Variants in TYRP1 observed in about 807,000 individuals in gnomAD.
TYRP1 encodes 5,6-dihydroxyindole-2-carboxylic acid oxidase.
TYRP1 carries 49 observed loss-of-function variants against 42.8 expected under a neutral mutation model. The observed-to-expected ratio is 1.14, with a 90% CI of 0.91 to 1.45. The LOEUF is 1.45. Ranked by LOEUF, TYRP1 falls within the 40% of genes most tolerant of loss-of-function variation. TYRP1 has a pLI of 0.00. For synonymous variants in TYRP1, 279 were observed against 235.4 expected, an observed-to-expected ratio of 1.19 and a Z score of -1.69; for missense variants, 848 against 662.0, an observed-to-expected ratio of 1.28 and a Z score of -3.08.
At chr9:12,707,885 G>A (rs1586847444) in intron 6 of TYRP1, 112 bp from the exon 7 acceptor site, 1 of 1,012,670 alleles carries the variant, frequency 9.9e-7, no homozygotes, top group East Asian at 2.6e-5. Context: ...TGTAAAATAA[G>A]AATAAAATTT....
chr9:12,704,854 C>A, intron 6 of TYRP1, 149 bp downstream of exon 6: 3 of 777,130 alleles, frequency 3.9e-6, no homozygotes, highest in Admixed American at 2.1e-5. Context: ...TCCAGACATT[C>A]AATTCTACTT....
intron 7 of TYRP1, 33 bp downstream of exon 7, chr9:12,708,176 A>G: frequency 6.2e-7 from 1 of 1,611,118 alleles, no homozygotes; most frequent in South Asian, 1.1e-5. Flanking sequence ...TACTGTGATA[A>G]TTTCCAAAAG....
At chr9:12,698,719 C>A in intron 4 of TYRP1, 64 bp downstream of exon 4, 1 of 1,439,866 alleles carries the variant, frequency 6.9e-7, no homozygotes, top group Non-Finnish European at 9.7e-7. Context: ...AAATATGTTG[C>A]CTGAAAGGCC....
chr9:12,704,575 C>T lies in TYRP1; in HGVS notation c.1131C>T (p.His377=). ...ATGACCCTGCTGTTCGAAGTCTTCA[C>T]AATTTGGCTCATCTATTCCTGAATG... ...GKYDPAVRSL[H]NLAHLFLNGT... is the part of the protein sequence containing the mutation. Residue 377 remains histidine (H), a synonymous_variant, in exon 6 of 8, where the codon CAC becomes CAT. Transcript: ENST00000388918. The T allele has an allele frequency of 6.2e-7, 1 of 1,613,112 alleles. No individual in the cohort carries two copies.
chr9:12,705,271 C>T (rs1027196663), intron 6 of TYRP1, among the ~76,000 whole-genome samples: 1 of 152,062 alleles, frequency 6.6e-6, no homozygotes, highest in African/African-American at 2.4e-5. Context: ...TCTCTGCCTT[C>T]CTATGCAGCT....
chr9:12,698,337 G>A (rs1389034675), intron 3 of TYRP1, 114 bp from the exon 4 acceptor site: 1 of 1,025,792 alleles, frequency 9.7e-7, no homozygotes, highest in African/African-American at 1.6e-5. Flanking sequence ...ATACTAACCA[G>A]TACCTTATTG....
rs771064000 is a variant in TYRP1, at chr9:12,704,534, G to A, written c.1090G>A (p.Asp364Asn). ...SFRNTVEGYS[D>N]PTGKYDPAVR... ...CCTTACCATGTGTCTAGGTTACAGT[G>A]ACCCCACGGGAAAGTATGACCCTGC... The change falls in exon 6 of 8, where the codon GAC (aspartate) becomes AAC (asparagine). Residue 364 changes from aspartate to asparagine, a missense_variant. Transcript: ENST00000388918. 1 of 1,611,948 alleles carries A rather than the reference G, an allele frequency of 6.2e-7. No homozygotes were observed.
chr9:12,705,396 C>T (rs911542290), intron 6 of TYRP1, among the ~76,000 whole-genome samples: 3 of 151,978 alleles, frequency 2.0e-5, no homozygotes, highest in Non-Finnish European at 4.4e-5. Context: ...TAGCTCATAA[C>T]GCACATAAAC....
At chr9:12,698,345 T>C (rs915077638) in intron 3 of TYRP1, 106 bp from the exon 4 acceptor site, 13 of 1,103,520 alleles carry the variant, frequency 1.2e-5, no homozygotes, top group Non-Finnish European at 1.6e-5. Flanking sequence ...CAGTACCTTA[T>C]TGTCTGAAGA....
intron 4 of TYRP1, among the ~76,000 whole-genome samples, chr9:12,701,424 T>G (rs190016261): frequency 4.6e-4 from 70 of 152,130 alleles, no homozygotes; most frequent in Non-Finnish European, 2.4e-4. Context: ...GTGCCAAGTC[T>G]GTGGGATACA....
chr9:12,700,399 AGT>A (rs1402494023), intron 4 of TYRP1: 1 of 152,108 alleles, frequency 6.6e-6, no homozygotes, highest in Non-Finnish European at 1.5e-5. Context: ...GATTGAAAAT[AGT>A]TAATATTTTA....
At chr9:12,694,403 T>C (rs780521841) in intron 2 of TYRP1, 22 bp downstream of exon 2, 26 of 1,613,026 alleles carry the variant, frequency 1.6e-5, no homozygotes, top group Non-Finnish European at 1.9e-5. Context: ...TATGAATGAG[T>C]TCATAAGTCC....
At position 12,697,149 on chromosome 9, in the gene TYRP1, A is replaced by C. The variant is rs142488454; in HGVS notation, c.709-1302A>C. Among the ~76,000 whole-genome samples, 307 of 152,252 alleles carry C rather than the reference A, an allele frequency of 2.0e-3. 4 individuals carry two copies. The highest frequency in any genetic ancestry group is 6.9e-3 in the African/African-American group (288 of 41,558). The stretch of plus-strand genomic sequence containing the variant: ...ATCTGTCATTTGTAATTGACTGCAG[A>C]TCTTCATGCCTTCAAGTCATTTTCT... On this transcript the variant is annotated intron_variant, in intron 3 of 7. Coordinates refer to ENST00000388918, the MANE Select transcript of TYRP1 (RefSeq NM_000550.3).
At chr9:12,706,949 T>C (rs1818268152) in intron 6 of TYRP1, among the ~76,000 whole-genome samples, 1 of 151,892 alleles carries the variant, frequency 6.6e-6, no homozygotes, top group Admixed American at 6.6e-5. Flanking sequence ...AAAATTACAC[T>C]TTACAGATAA....
chr9:12,698,537 G>C lies in TYRP1; in HGVS notation c.795G>C (p.Leu265Phe). 6.2e-7 allele frequency: 1 copy of C among 1,613,836 alleles called. No individual in the cohort carries two copies. Among genetic ancestry groups the C allele is most frequent in the East Asian group, 2.2e-5 (1 of 44,850 alleles). The change falls in exon 4 of 8, where the codon TTG (leucine) becomes TTC (phenylalanine). Residue 265 changes from leucine to phenylalanine, a missense_variant. By Grantham distance (22) the Leu-to-Phe change is conservative (BLOSUM62 0). Transcript: ENST00000388918. ...KNVCDICTDDLMGSRSNFDST... is the reference protein window; with the variant it reads ...KNVCDICTDDFMGSRSNFDST... ...TCTGTGATATCTGCACGGATGACTT[G>C]ATGGGATCCAGAAGCAACTTTGATT... is the stretch of plus-strand genomic sequence containing the variant.
intron 4 of TYRP1, among the ~76,000 whole-genome samples, chr9:12,699,763 G>T (rs557860573): frequency 6.6e-6 from 1 of 152,174 alleles, no homozygotes; most frequent in South Asian, 2.1e-4. Flanking sequence ...CAGGATGTCT[G>T]CAGATGCCAA....
chr9:12,695,307 A>G (rs1818057569), intron 2 of TYRP1, among the ~76,000 whole-genome samples: 1 of 152,230 alleles, frequency 6.6e-6, no homozygotes, highest in African/African-American at 2.4e-5. Context: ...CATGCAGTAA[A>G]TTGGAGAGAG....
At position 12,694,021 on chromosome 9, in the gene TYRP1, C is replaced by G; in HGVS notation, c.25C>G (p.Leu9Val). 1.2e-6 allele frequency: 2 copies of G among 1,614,092 alleles called. No homozygotes were observed. Among genetic ancestry groups the G allele is most frequent in the South Asian group, 2.2e-5 (2 of 91,080 alleles). ...AATGAGTGCTCCTAAACTCCTCTCT[C>G]TGGGCTGTATCTTCTTCCCCTTGCT... is the stretch of plus-strand genomic sequence containing the variant. MSAPKLLS[L>V]GCIFFPLLLF... The change falls in exon 2 of 8, where the codon CTG (leucine) becomes GTG (valine). Residue 9 changes from leucine to valine, a missense_variant. By Grantham distance (32) the Leu-to-Val change is conservative. Coordinates refer to ENST00000388918, the MANE Select transcript of TYRP1 (RefSeq NM_000550.3).
rs1818033984 is a variant in TYRP1, at chr9:12,693,961, A to C, written c.-36A>C. The C allele has an allele frequency of 6.2e-7, 1 of 1,612,626 alleles. No homozygotes were observed. Among genetic ancestry groups the C allele is most frequent in the Non-Finnish European group, 8.5e-7 (1 of 1,179,900 alleles). On this transcript the variant is annotated 5_prime_UTR_variant, in exon 2 of 8. Transcript: ENST00000388918. Reference sequence around the variant, plus strand: ...GTCTTCTCTACACAAAGAGCTGCAAACCAGGTCTTTGTTTTGCACTCTTAT... The same window carrying C: ...GTCTTCTCTACACAAAGAGCTGCAACCCAGGTCTTTGTTTTGCACTCTTAT...
Sources: allele counts gnomAD v4.1 joint callset (sites outside exome capture counted in the v4.1 genomes callset), GRCh38; gene constraint gnomAD v4.1.1; transcripts MANE v1.5; gene names NCBI Gene and HGNC (gene_info 2026-07-23, HGNC 2026-07-21).